CACNA2D3: variants seen among roughly 807,000 people sequenced by gnomAD.
The protein encoded by CACNA2D3 is voltage-dependent calcium channel subunit alpha-2/delta-3.
In CACNA2D3, 60 loss-of-function variants were observed where a neutral mutation model predicts 160.6. The ratio of observed to expected loss-of-function variants is 0.37; its 90% CI spans 0.30 to 0.46. The LOEUF (loss-of-function observed/expected upper bound fraction) is 0.46. Among genes scored for constraint, CACNA2D3 ranks in the 20% least tolerant of loss-of-function variants. CACNA2D3 has a pLI of 1.00. For missense variants in CACNA2D3, 1,205 were observed against 1,365.0 expected, an observed-to-expected ratio of 0.88 and a Z score of 1.85; for synonymous variants, 558 against 492.9, an observed-to-expected ratio of 1.13 and a Z score of -1.75.
intron 2 of CACNA2D3, among the ~76,000 whole-genome samples, chr3:54,131,495 C>G (rs1299879889): frequency 1.3e-5 from 2 of 152,222 alleles, no homozygotes; most frequent in Admixed American, 6.5e-5. Flanking sequence ...AAGCCAGCTG[C>G]AGATAACCTC....
intron 13 of CACNA2D3, among the ~76,000 whole-genome samples, chr3:54,808,161 T>A (rs1163643870): frequency 1.3e-5 from 2 of 151,888 alleles, no homozygotes; most frequent in East Asian, 1.9e-4. Context: ...CATATGTAAC[T>A]AACCTGCACA....
At chr3:55,050,926 A>T (rs1377958786) in intron 35 of CACNA2D3, among the ~76,000 whole-genome samples, 1 of 135,562 alleles carries the variant, frequency 7.4e-6, no homozygotes, top group Non-Finnish European at 1.6e-5. Flanking sequence ...TTCTTCACGT[A>T]GTTCTCGAGC....
intron 21 of CACNA2D3, among the ~76,000 whole-genome samples, chr3:54,881,081 G>A (rs1381862969): frequency 1.3e-5 from 2 of 152,120 alleles, no homozygotes; most frequent in Non-Finnish European, 2.9e-5. Flanking sequence ...TCATGGTTGT[G>A]ATTTAATTTA....
At chr3:54,623,832 T>A (rs777944926) in intron 9 of CACNA2D3, among the ~76,000 whole-genome samples, 15 of 152,234 alleles carry the variant, frequency 9.9e-5, no homozygotes, top group Non-Finnish European at 1.6e-4. Flanking sequence ...TAATTACATT[T>A]AAATGTAAAT....
At chr3:54,260,319 C>T (rs766636996) in intron 2 of CACNA2D3, among the ~76,000 whole-genome samples, 29 of 152,074 alleles carry the variant, frequency 1.9e-4, no homozygotes, top group South Asian at 8.3e-4. Context: ...TACATGAGAC[C>T]GGGCAATTTA....
intron 11 of CACNA2D3, among the ~76,000 whole-genome samples, chr3:54,727,615 G>A (rs907686583): frequency 3.3e-5 from 5 of 152,160 alleles, no homozygotes; most frequent in African/African-American, 9.7e-5. Flanking sequence ...CAGGGACATG[G>A]ATGAAGCTAG....
chr3:54,595,215 C>T (rs1310505059), intron 9 of CACNA2D3, among the ~76,000 whole-genome samples: 1 of 151,850 alleles, frequency 6.6e-6, no homozygotes, highest in Non-Finnish European at 1.5e-5. Flanking sequence ...GTTAGTTTGT[C>T]ATTTATTTCT....
chr3:54,361,882 G>A (rs1344990105), intron 3 of CACNA2D3, among the ~76,000 whole-genome samples: 1 of 152,170 alleles, frequency 6.6e-6, no homozygotes, highest in Non-Finnish European at 1.5e-5. Flanking sequence ...GAAGTCTGGT[G>A]GAATTTTATG....
At chr3:54,454,439 T>C (rs1220436317) in intron 4 of CACNA2D3, among the ~76,000 whole-genome samples, 1 of 152,206 alleles carries the variant, frequency 6.6e-6, no homozygotes, top group African/African-American at 2.4e-5. Flanking sequence ...ATTATAACTT[T>C]GCATATGGTA....
intron 17 of CACNA2D3, among the ~76,000 whole-genome samples, chr3:54,866,253 A>G (rs1444091278): frequency 6.6e-6 from 1 of 152,196 alleles, no homozygotes; most frequent in Non-Finnish European, 1.5e-5. Flanking sequence ...TGAAGGAATG[A>G]AGTGCCCTGT....
In CACNA2D3 at chr3:54,821,637, T is replaced by TTTCG. The variant is rs1426988305; in HGVS notation, c.1398+4771_1398+4774dup. On this transcript the variant is annotated intron_variant, in intron 14 of 37. Transcript: ENST00000474759. The stretch of plus-strand genomic sequence containing the variant: ...TGGAAGCCTTCGTTTTTCTAGAGTC[T>TTTCG]TTCGTTCTTTCTTTCTTTCTTTCTT... Among the ~76,000 whole-genome samples, 645 of 147,580 alleles carry TTTCG rather than the reference T, an allele frequency of 4.4e-3. 2 individuals carry two copies. The highest frequency in any genetic ancestry group is 7.1e-3 in the Middle Eastern group (2 of 282).
intron 34 of CACNA2D3, among the ~76,000 whole-genome samples, chr3:55,017,478 G>A (rs1390676821): frequency 2.6e-5 from 4 of 152,062 alleles, no homozygotes; most frequent in Admixed American, 1.3e-4. Context: ...CACTCATTAT[G>A]TTCCAGTTAC....
chr3:54,472,355 G>T (rs1259239930), intron 4 of CACNA2D3, among the ~76,000 whole-genome samples: 1 of 152,128 alleles, frequency 6.6e-6, no homozygotes, highest in East Asian at 1.9e-4. Flanking sequence ...ACCCCTTCAT[G>T]CTAAAAACTT....
chr3:54,329,913 A>G (rs1166894866), intron 3 of CACNA2D3, among the ~76,000 whole-genome samples: 1 of 152,146 alleles, frequency 6.6e-6, no homozygotes. Context: ...AGTTTCCCAT[A>G]TGGAGGTGAG....
At chr3:54,176,113 A>G (rs2107317418) in intron 2 of CACNA2D3, among the ~76,000 whole-genome samples, 1 of 152,340 alleles carries the variant, frequency 6.6e-6, no homozygotes, top group African/African-American at 2.4e-5. Context: ...TCAGTTCAAC[A>G]TGCACAAAGC....
chr3:54,520,568 C>T (rs751753408), intron 5 of CACNA2D3, among the ~76,000 whole-genome samples: 16 of 152,174 alleles, frequency 1.1e-4, no homozygotes, highest in African/African-American at 1.4e-4. Context: ...TGATCAAAAT[C>T]GCTCAGAGAG....
chr3:54,301,931 A>G (rs1002323873), intron 2 of CACNA2D3, among the ~76,000 whole-genome samples: 2 of 152,180 alleles, frequency 1.3e-5, no homozygotes, highest in East Asian at 1.9e-4. Context: ...TGTACATTAT[A>G]GAATATATAA....
At chr3:54,467,328 G>A (rs1038343982) in intron 4 of CACNA2D3, among the ~76,000 whole-genome samples, 6 of 152,214 alleles carry the variant, frequency 3.9e-5, no homozygotes, top group African/African-American at 7.2e-5. Flanking sequence ...ACTGGGAAGA[G>A]TCTTGGAAAT....
chr3:54,822,823 CTT>C (rs1305531907), intron 14 of CACNA2D3, among the ~76,000 whole-genome samples: 44 of 91,316 alleles, frequency 4.8e-4, no homozygotes, highest in African/African-American at 2.3e-3. Flanking sequence ...TTCTTTCTTT[CTT>C]TCTTTCTTTT....
Sources: allele counts gnomAD v4.1 joint callset (sites outside exome capture counted in the v4.1 genomes callset), GRCh38; gene constraint gnomAD v4.1.1; transcripts MANE v1.5; gene names NCBI Gene and HGNC (gene_info 2026-07-23, HGNC 2026-07-21).